YTHDC2: variants seen among roughly 807,000 people sequenced by gnomAD.
The protein encoded by YTHDC2 is YTH N6-methyladenosine RNA binding protein C2.
YTHDC2 carries 45 observed loss-of-function variants against 174.9 expected under a neutral mutation model. The ratio of observed to expected loss-of-function variants is 0.26; its 90% CI spans 0.20 to 0.33. The LOEUF (loss-of-function observed/expected upper bound fraction) is 0.33, where lower values mean the gene tolerates loss of function less well. Ranked by LOEUF, YTHDC2 falls within the 10% of genes least tolerant of loss-of-function variation. YTHDC2 has a pLI of 1.00. For synonymous variants in YTHDC2, 657 were observed against 574.5 expected (o/e 1.14, Z -2.05); for missense variants, 1,650 against 1,723.7 (o/e 0.96, Z 0.76).
intron 3 of YTHDC2, 50 bp downstream of exon 3, chr5:113,525,227 G>C: frequency 1.5e-6 from 2 of 1,374,538 alleles, no homozygotes; most frequent in Non-Finnish European, 2.0e-6. Context: ...TTTGATGACT[G>C]TTCTTTTTCC....
intron 2 of YTHDC2, among the ~76,000 whole-genome samples, chr5:113,522,139 T>TG (rs1175400857): frequency 1.4e-5 from 1 of 71,366 alleles, no homozygotes; most frequent in Non-Finnish European, 3.3e-5. Context: ...TTTTTGTTTT[T>TG]TGTTTTTTTT....
chr5:113,542,585 C>A, intron 10 of YTHDC2, 82 bp downstream of exon 10: 4 of 1,300,194 alleles, frequency 3.1e-6, no homozygotes, highest in East Asian at 2.6e-5. Context: ...GTATGTACTA[C>A]CAATAATTGC....
At chr5:113,517,415 G>C (rs1833679) in intron 2 of YTHDC2, among the ~76,000 whole-genome samples, 10 of 152,180 alleles carry the variant, frequency 6.6e-5, no homozygotes, top group African/African-American at 4.8e-5. Context: ...AGCTAACTTA[G>C]AAAAGCAGTC....
intron 7 of YTHDC2, among the ~76,000 whole-genome samples, 168 bp from the exon 8 acceptor site, chr5:113,538,906 T>A (rs928651553): frequency 1.3e-5 from 2 of 152,184 alleles, no homozygotes; most frequent in African/African-American, 4.8e-5. Flanking sequence ...GTCTAATAGT[T>A]GTTTGTAAGT....
intron 25 of YTHDC2, 170 bp from the exon 26 acceptor site, chr5:113,584,132 C>A: frequency 2.0e-6 from 1 of 501,136 alleles, no homozygotes; most frequent in Non-Finnish European, 3.3e-6. Context: ...CTGCCATAGA[C>A]ATCTATATTT....
chr5:113,590,963 A>G (rs1484000472), intron 26 of YTHDC2, 78 bp from the exon 27 acceptor site: 5 of 1,216,244 alleles, frequency 4.1e-6, no homozygotes, highest in Non-Finnish European at 5.8e-6. Flanking sequence ...TTATATGTTT[A>G]TGAAGATGTT....
chr5:113,540,887 C>A (rs3936061), intron 8 of YTHDC2, 81 bp from the exon 9 acceptor site: 289,497 of 1,354,920 alleles, frequency 0.21, 36,185 homozygotes, highest in African/African-American at 0.51. Flanking sequence ...TACCAGATTC[C>A]CATAATTTAT....
At chr5:113,547,826 A>C (rs923973591) in intron 10 of YTHDC2, among the ~76,000 whole-genome samples, 4 of 152,174 alleles carry the variant, frequency 2.6e-5, no homozygotes, top group African/African-American at 9.6e-5. Context: ...TTCCTTTTGT[A>C]GTTATCTTAA....
At chr5:113,579,346 C>G (rs1276004196) in intron 23 of YTHDC2, among the ~76,000 whole-genome samples, 1 of 151,820 alleles carries the variant, frequency 6.6e-6, no homozygotes, top group Non-Finnish European at 1.5e-5. Flanking sequence ...ATTTTATATT[C>G]TTGTCTTTTT....
chr5:113,588,268 TC>T (rs927280959), intron 26 of YTHDC2, among the ~76,000 whole-genome samples: 3 of 152,282 alleles, frequency 2.0e-5, no homozygotes, highest in African/African-American at 7.2e-5. Context: ...CACATATCTT[TC>T]CCTTGATCTT....
intron 9 of YTHDC2, 124 bp downstream of exon 9, chr5:113,541,240 G>A: frequency 3.8e-6 from 4 of 1,063,800 alleles, no homozygotes; most frequent in Non-Finnish European, 4.1e-6. Flanking sequence ...GGCCCAGGCT[G>A]GAGTGGAGTG....
chr5:113,575,895 G>A (rs1386979919), intron 23 of YTHDC2, among the ~76,000 whole-genome samples: 1 of 152,114 alleles, frequency 6.6e-6, no homozygotes, highest in Non-Finnish European at 1.5e-5. Flanking sequence ...ATGAAGAGAA[G>A]TAGATATAAA....
intron 23 of YTHDC2, among the ~76,000 whole-genome samples, chr5:113,579,363 G>A (rs1778254188): frequency 6.6e-6 from 1 of 151,712 alleles, no homozygotes; most frequent in Non-Finnish European, 1.5e-5. Flanking sequence ...TTTTTATTTT[G>A]TTGCATTGTG....
intron 23 of YTHDC2, among the ~76,000 whole-genome samples, chr5:113,568,217 T>A (rs1302908053): frequency 6.6e-6 from 1 of 152,230 alleles, no homozygotes; most frequent in East Asian, 1.9e-4. Context: ...TTTTTCTACA[T>A]GTTTACATAT....
intron 26 of YTHDC2, among the ~76,000 whole-genome samples, chr5:113,585,950 TGTACTAACTG>T (rs1778658744): frequency 6.6e-6 from 1 of 152,024 alleles, no homozygotes; most frequent in Non-Finnish European, 1.5e-5. Flanking sequence ...TTGCTAACAT[TGTACTAACTG>T]GTACTAACAT....
At chr5:113,564,160 G>A (rs771650707) in intron 20 of YTHDC2, 29 bp downstream of exon 20, 2 of 1,566,320 alleles carry the variant, frequency 1.3e-6, no homozygotes, top group Non-Finnish European at 1.7e-6. Context: ...TATTTCTGAA[G>A]ACGTTGCTGG....
intron 20 of YTHDC2, among the ~76,000 whole-genome samples, chr5:113,564,798 C>T (rs144332462): frequency 1.6e-4 from 24 of 152,122 alleles, no homozygotes; most frequent in Middle Eastern, 3.4e-3. Context: ...TCTTGAATGT[C>T]GACTGTGTCT....
rs201923547 is a variant in YTHDC2 at position 113,541,135 on chromosome 5, C to T, written c.1359+19C>T. On this transcript the variant is annotated intron_variant, in intron 9 of 29. Coordinates refer to ENST00000161863, the MANE Select transcript of YTHDC2 (RefSeq NM_022828.5). ...TCAGCTGGTATGACCTCCCTGGTTT[C>T]CCACTCATATTTTGTGTGAAAATTG... The T allele has an allele frequency of 6.2e-7, 1 of 1,613,488 alleles. No homozygotes were observed. Among genetic ancestry groups the T allele is most frequent in the African/African-American group, 1.3e-5 (1 of 74,930 alleles).
At chr5:113,580,728 T>C (rs1778350026) in intron 24 of YTHDC2, among the ~76,000 whole-genome samples, 1 of 152,186 alleles carries the variant, frequency 6.6e-6, no homozygotes, top group Non-Finnish European at 1.5e-5. Context: ...CTATTATTTA[T>C]CACTATTGTC....
Sources: allele counts gnomAD v4.1 joint callset (sites outside exome capture counted in the v4.1 genomes callset), GRCh38; gene constraint gnomAD v4.1.1; transcripts MANE v1.5; gene names NCBI Gene and HGNC (gene_info 2026-07-23, HGNC 2026-07-21).